PRKN: variants seen among roughly 807,000 people sequenced by gnomAD.
The protein encoded by PRKN is parkin RBR E3 ubiquitin protein ligase, also known as E3 ubiquitin-protein ligase parkin.
PRKN carries 56 observed loss-of-function variants against 59.5 expected under a neutral mutation model. The ratio of observed to expected loss-of-function variants is 0.94; its 90% CI spans 0.76 to 1.18. The LOEUF (loss-of-function observed/expected upper bound fraction) is 1.18, where lower values mean the gene tolerates loss of function less well. Ranked by LOEUF, PRKN falls within the 50% of genes most tolerant of loss-of-function variation. The pLI is 0.00. For missense variants in PRKN, 657 were observed against 596.4 expected (o/e 1.10, Z -1.06); for synonymous variants, 250 against 222.1 (o/e 1.13, Z -1.12).
intron 1 of PRKN, among the ~76,000 whole-genome samples, chr6:162,616,740 A>G (rs537383997): frequency 6.6e-6 from 1 of 152,276 alleles, no homozygotes; most frequent in East Asian, 1.9e-4. Context: ...ATATAACACT[A>G]TTCTGATACA....
Position 162,604,660 on chromosome 6 carries a change from T to C in PRKN, c.7+123002A>G, listed in dbSNP as rs553745150. On this transcript the variant is annotated intron_variant, in intron 1 of 11. Transcript: ENST00000366898. ...CAGCTCGTGTGTGACAGACAAACAATAGCCTTTTCCCCACAGGCCCTGTTT... is the reference window on the plus strand; with the variant it reads ...CAGCTCGTGTGTGACAGACAAACAACAGCCTTTTCCCCACAGGCCCTGTTT... Among the ~76,000 whole-genome samples, 8 of 151,578 alleles carry C rather than the reference T, an allele frequency of 5.3e-5. No homozygotes were observed. In the South Asian group the frequency reaches 8.4e-4, roughly 16 times the overall value.
At chr6:162,171,820 T>G (rs972913414) in intron 4 of PRKN, among the ~76,000 whole-genome samples, 1 of 152,200 alleles carries the variant, frequency 6.6e-6, no homozygotes. Context: ...TATTTTGCAT[T>G]TATTTTCCTC....
chr6:162,710,003 C>G (rs539205031), intron 1 of PRKN, among the ~76,000 whole-genome samples: 1 of 152,238 alleles, frequency 6.6e-6, no homozygotes, highest in African/African-American at 2.4e-5. Context: ...ATATTGCTCA[C>G]TCATTCTCCT....
chr6:162,322,869 T>C (rs993984119), intron 2 of PRKN, among the ~76,000 whole-genome samples: 1 of 151,872 alleles, frequency 6.6e-6, no homozygotes, highest in African/African-American at 2.4e-5. Context: ...GACACATATA[T>C]ACCATGGAAT....
chr6:161,897,984 A>AAAAAAAAAAAAAAAAAT lies in PRKN; in HGVS notation c.734+75317_734+75318insATTTTTTTTTTTTTTTT, dbSNP rs1554244227. Among the ~76,000 whole-genome samples, 89 of 117,660 alleles carry AAAAAAAAAAAAAAAAAT rather than the reference A, an allele frequency of 7.6e-4. 11 individuals carry two copies. The highest frequency in any genetic ancestry group is 5.5e-3 in the South Asian group (21 of 3,822). 77.2% of individuals were successfully genotyped at this position (117,660 alleles called of 152,430 possible). A position where few individuals can be genotyped will look rare whatever the true frequency, so the allele number is the denominator to read the frequency against. The stretch of plus-strand genomic sequence containing the variant: ...TCCGTCTCAAAAAAAAAAAAAAAAA[A>AAAAAAAAAAAAAAAAAT]GTCTCCCAGTTGCATAGAAAAGGTT... On this transcript the variant is annotated intron_variant, in intron 6 of 11. Coordinates refer to ENST00000366898, the MANE Select transcript of PRKN (RefSeq NM_004562.3).
At chr6:162,570,083 G>A (rs952378445) in intron 1 of PRKN, among the ~76,000 whole-genome samples, 2 of 152,062 alleles carry the variant, frequency 1.3e-5, no homozygotes, top group South Asian at 2.1e-4. Flanking sequence ...AATATACAAG[G>A]AGCTCAAACA....
At chr6:162,088,818 T>C (rs1347500084) in intron 4 of PRKN, among the ~76,000 whole-genome samples, 2 of 152,134 alleles carry the variant, frequency 1.3e-5, no homozygotes, top group African/African-American at 2.4e-5. Flanking sequence ...GGTAACAAGA[T>C]GATTCAATGG....
intron 1 of PRKN, among the ~76,000 whole-genome samples, chr6:162,702,521 A>G (rs897256559): frequency 6.6e-6 from 1 of 152,204 alleles, no homozygotes. Context: ...TTCTGCAAAC[A>G]GCAGAATAAA....
intron 1 of PRKN, among the ~76,000 whole-genome samples, chr6:162,613,071 T>C (rs529722498): frequency 3.3e-5 from 5 of 152,218 alleles, no homozygotes; most frequent in Non-Finnish European, 7.3e-5. Context: ...GGAGATACTA[T>C]CATTATTATT....
rs1391957960 is a variant in PRKN at position 161,448,120 on chromosome 6, G to C, written c.1084-61243C>G. On this transcript the variant is annotated intron_variant, in intron 9 of 11. Transcript: ENST00000366898. This position sits in a 1 kb window ranked among gnomAD's most constrained non-coding sequence, Gnocchi z 5.1. ...AGCCAATCAAATCTTACATCTGTGT[G>C]TTAGCCGTTGTATGGAAAACACCGT... Among the ~76,000 whole-genome samples, 2 of 152,174 alleles carry C rather than the reference G, an allele frequency of 1.3e-5. No individual in the cohort carries two copies. The highest frequency in any genetic ancestry group is 2.9e-5 in the Non-Finnish European group (2 of 68,036).
chr6:162,575,374 C>A (rs1322682310), intron 1 of PRKN, among the ~76,000 whole-genome samples: 2 of 152,142 alleles, frequency 1.3e-5, no homozygotes, highest in Non-Finnish European at 2.9e-5. Context: ...ACAGGTGACC[C>A]CTCTGATGAT....
chr6:161,710,864 T>TTTCC (rs369791172), intron 7 of PRKN, among the ~76,000 whole-genome samples: 2 of 51,658 alleles, frequency 3.9e-5, no homozygotes, highest in African/African-American at 5.8e-5. Flanking sequence ...TTCCCTTCCC[T>TTTCC]TTCCTTCCTT....
At chr6:162,489,483 A>G (rs1178830100) in intron 1 of PRKN, among the ~76,000 whole-genome samples, 1 of 152,162 alleles carries the variant, frequency 6.6e-6, no homozygotes, top group Non-Finnish European at 1.5e-5. Flanking sequence ...ATGAGTTTGG[A>G]CCAGTTTGTT....
At chr6:161,426,622 T>C (rs958742532) in intron 9 of PRKN, among the ~76,000 whole-genome samples, 4 of 134,800 alleles carry the variant, frequency 3.0e-5, no homozygotes, top group Non-Finnish European at 6.4e-5. Context: ...TGTGAGTTAA[T>C]ACTACTTAAT....
chr6:161,582,573 C>T lies in PRKN; in HGVS notation c.872-13157G>A, dbSNP rs1209402551. 2.0e-5 allele frequency among the ~76,000 whole-genome samples: 3 copies of T among 151,950 alleles called. No homozygotes were observed. Among genetic ancestry groups the T allele is most frequent in the Non-Finnish European group, 4.4e-5 (3 of 68,008 alleles). On this transcript the variant is annotated intron_variant, in intron 7 of 11. Transcript: ENST00000366898. The surrounding 1 kb of genome is among the most constrained non-coding windows in gnomAD (Gnocchi z 4.4). The stretch of plus-strand genomic sequence containing the variant: ...TCCCAAGCAGCTGGGACTACAGGCG[C>T]CTGCCACCTCGCCTGGCTAATTGTT...
intron 2 of PRKN, among the ~76,000 whole-genome samples, chr6:162,342,094 T>C (rs908388989): frequency 2.0e-5 from 3 of 152,180 alleles, no homozygotes; most frequent in African/African-American, 4.8e-5. Flanking sequence ...GTTTGAATTA[T>C]TGCTAAATCC....
chr6:162,008,691 C>A (rs1404326956), intron 5 of PRKN, among the ~76,000 whole-genome samples: 2 of 151,994 alleles, frequency 1.3e-5, no homozygotes, highest in Admixed American at 6.6e-5. Context: ...AGGAAATAGA[C>A]CATGAGAATA....
chr6:162,450,312 C>T (rs532840114), intron 1 of PRKN, among the ~76,000 whole-genome samples: 8 of 151,188 alleles, frequency 5.3e-5, no homozygotes, highest in East Asian at 1.9e-4. Context: ...TGAATATGAA[C>T]GCCCGTGAAT....
At chr6:161,854,848 G>T (rs1203811585) in intron 6 of PRKN, among the ~76,000 whole-genome samples, 1 of 152,018 alleles carries the variant, frequency 6.6e-6, no homozygotes, top group Non-Finnish European at 1.5e-5. Context: ...AGTCTGGGAG[G>T]CCGAGGCGGG....
Sources: gnomAD v4.1 joint callset for allele counts (sites outside exome capture counted in the v4.1 genomes callset) on GRCh38, gnomAD v4.1.1 for gene constraint, Gnocchi (gnomAD v3.1) non-coding constraint, MANE v1.5 for transcripts, NCBI Gene and HGNC (gene_info 2026-07-23, HGNC 2026-07-21) for gene names.